The following SLTM variants were observed in gnomAD, a reference collection of about 807,000 sequenced individuals.
SLTM encodes SAFB like transcription modulator, also known as SAFB-like transcription modulator.
In SLTM, 43 loss-of-function variants were observed where a neutral mutation model predicts 134.6. That is an observed-to-expected ratio of 0.32 (90% confidence interval 0.25 to 0.41). The LOEUF (loss-of-function observed/expected upper bound fraction) is 0.41, where lower values mean the gene tolerates loss of function less well. SLTM is among the 10% of genes least tolerant of loss of function. SLTM has a pLI of 1.00. For missense variants in SLTM, 1,055 were observed against 1,288.8 expected, an observed-to-expected ratio of 0.82 and a Z score of 2.78; for synonymous variants, 424 against 432.3, an observed-to-expected ratio of 0.98 and a Z score of 0.24.
chr15:58,883,101 G>A (rs1177456932), intron 20 of SLTM, among the ~76,000 whole-genome samples: 1 of 152,174 alleles, frequency 6.6e-6, no homozygotes, highest in Admixed American at 6.5e-5. Flanking sequence ...GATCCCCTGA[G>A]GTCAGGAGTT....
At chr15:58,932,107 G>T (rs1245751659) in intron 2 of SLTM, 1 of 386,892 alleles carries the variant, frequency 2.6e-6, no homozygotes, top group African/African-American at 2.0e-5. Context: ...TACACAACTT[G>T]ACTTTGTAAT....
rs1413689238 is a variant in SLTM, at chr15:58,898,870, C to G, written c.1059-18G>C. On this transcript the variant is annotated intron_variant, in intron 7 of 20. Transcript: ENST00000380516. Reference sequence around the variant, plus strand: ...TTGAAGAGCTAAAGAGGCAAATCACCAGAAGAAAATTGAAAACAAAAACAA... The same window carrying G: ...TTGAAGAGCTAAAGAGGCAAATCACGAGAAGAAAATTGAAAACAAAAACAA... 1 of 1,598,748 alleles carries G rather than the reference C, an allele frequency of 6.3e-7. No homozygotes were observed. The highest frequency in any genetic ancestry group is 1.1e-5 in the South Asian group (1 of 88,254).
chr15:58,910,743 C>CT (rs543560542), intron 5 of SLTM, among the ~76,000 whole-genome samples: 5,065 of 116,188 alleles, frequency 0.044, 258 homozygotes, highest in South Asian at 0.11. Flanking sequence ...CTCATAGATT[C>CT]TTTTTTTTTT....
chr15:58,918,666 T>C (rs17236327), intron 2 of SLTM, among the ~76,000 whole-genome samples: 12,132 of 149,280 alleles, frequency 0.081, 712 homozygotes, highest in East Asian at 0.26. Flanking sequence ...GGGGAAAACA[T>C]AACTTTTTGG....
intron 20 of SLTM, among the ~76,000 whole-genome samples, chr15:58,881,982 G>T (rs1348125941): frequency 6.6e-6 from 1 of 151,594 alleles, no homozygotes; most frequent in Admixed American, 6.6e-5. Flanking sequence ...AGGCTGAGGT[G>T]GGCAGATCAC....
Position 58,879,779 on chromosome 15 carries a change from G to GC in SLTM, c.*219dup. On this transcript the variant is annotated 3_prime_UTR_variant, in exon 21 of 21. Transcript: ENST00000380516. ...ATCTTTTCAAATGTGCCTCGGTGCTGCAAGAAAAAAAGTTGAATGATACAC... is the reference window on the plus strand; with the variant it reads ...ATCTTTTCAAATGTGCCTCGGTGCTGCCAAGAAAAAAAGTTGAATGATACAC... The GC allele has an allele frequency of 2.0e-6, 1 of 491,902 alleles. No homozygotes were observed. Among genetic ancestry groups the GC allele is most frequent in the Non-Finnish European group, 3.4e-6 (1 of 292,596 alleles). The allele number at this position is 491,902 out of a possible 1,614,324, so 30.5% of individuals were successfully genotyped here. A position where few individuals can be genotyped will look rare whatever the true frequency, so the allele number is the denominator to read the frequency against.
intron 20 of SLTM, among the ~76,000 whole-genome samples, chr15:58,880,597 A>G (rs1486348637): frequency 1.3e-5 from 2 of 152,044 alleles, no homozygotes; most frequent in Non-Finnish European, 2.9e-5. Context: ...CACTCACTTC[A>G]CCGAGGCTGG....
rs182260126 is a variant in SLTM at position 58,892,112 on chromosome 15, G to A, written c.1898+785C>T. On this transcript the variant is annotated intron_variant, in intron 14 of 20. Transcript: ENST00000380516. Reference sequence around the variant, plus strand: ...AAAAGTATCTCTGGTAGTTCCTAACGCTGTCGTCAATGAATGGATGAAATC... The same window carrying A: ...AAAAGTATCTCTGGTAGTTCCTAACACTGTCGTCAATGAATGGATGAAATC... 9.7e-4 allele frequency among the ~76,000 whole-genome samples: 148 copies of A among 152,286 alleles called. 1 individual carries two copies. The highest frequency in any genetic ancestry group is 3.4e-3 in the Middle Eastern group (1 of 294).
intron 5 of SLTM, among the ~76,000 whole-genome samples, chr15:58,912,086 T>C (rs2036311606): frequency 6.6e-6 from 1 of 151,816 alleles, no homozygotes; most frequent in South Asian, 2.1e-4. Context: ...CAACAAAAAT[T>C]TCAGCTGCCA....
chr15:58,907,088 T>C (rs1168082007), intron 5 of SLTM, among the ~76,000 whole-genome samples: 3 of 152,110 alleles, frequency 2.0e-5, no homozygotes, highest in South Asian at 4.1e-4. Context: ...AGTAAGGTAA[T>C]GGATATAAAA....
intron 20 of SLTM, among the ~76,000 whole-genome samples, chr15:58,881,805 C>G (rs1318161840): frequency 6.6e-6 from 1 of 152,078 alleles, no homozygotes; most frequent in Non-Finnish European, 1.5e-5. Context: ...CCATGTTGCC[C>G]AGGCTGGTCT....
chr15:58,917,489 C>T (rs573305018), intron 2 of SLTM, among the ~76,000 whole-genome samples: 2 of 152,278 alleles, frequency 1.3e-5, no homozygotes, highest in African/African-American at 2.4e-5. Flanking sequence ...TTACATATTG[C>T]CTTGTACTCT....
rs750035930 is a variant in SLTM, at chr15:58,890,364, G to GCT, written c.1994_1995dup (p.Arg666SerfsTer3). On this transcript the variant is annotated frameshift_variant, in exon 15 of 21. Transcript: ENST00000380516. LOFTEE classifies it high-confidence loss of function. ...AGTTTTTGCCTTTCAATTTCTAGGC[G>GCT]CTCTCTCTCTCTCTGTAAGCGTTCC... 6.9e-6 allele frequency: 11 copies of GCT among 1,601,136 alleles called. No homozygotes were observed. The highest frequency in any genetic ancestry group is 1.3e-5 in the African/African-American group (1 of 74,446).
chr15:58,925,933 G>A (rs928252551), intron 2 of SLTM, among the ~76,000 whole-genome samples: 10 of 152,128 alleles, frequency 6.6e-5, no homozygotes, highest in East Asian at 1.9e-4. Flanking sequence ...GAAGTTTTCC[G>A]AAAACTGAAA....
chr15:58,929,216 C>A (rs553619420), intron 2 of SLTM, among the ~76,000 whole-genome samples: 1 of 152,002 alleles, frequency 6.6e-6, no homozygotes, highest in African/African-American at 2.4e-5. Context: ...TTTGGGAGGC[C>A]GAGGCGGGAG....
At chr15:58,903,170 G>C (rs1009337628) in intron 5 of SLTM, among the ~76,000 whole-genome samples, 8 of 152,144 alleles carry the variant, frequency 5.3e-5, no homozygotes, top group Non-Finnish European at 1.2e-4. Flanking sequence ...AAAGTGCTTG[G>C]ATTACAAGCT....
At chr15:58,895,891 G>A (rs1007491667) in intron 9 of SLTM, among the ~76,000 whole-genome samples, 2 of 152,260 alleles carry the variant, frequency 1.3e-5, no homozygotes, top group South Asian at 4.1e-4. Flanking sequence ...ACAGGTTTTG[G>A]TAATATTAAT....
rs779148657 is a variant in SLTM at position 58,893,828 on chromosome 15, C to T, written c.1641G>A (p.Lys547=). 6.2e-7 allele frequency: 1 copy of T among 1,608,164 alleles called. No homozygotes were observed. Among genetic ancestry groups the T allele is most frequent in the South Asian group, 1.1e-5 (1 of 89,100 alleles). The change falls in exon 12 of 21, where the codon AAG becomes AAA. Residue 547 remains lysine, a synonymous_variant. Transcript: ENST00000380516. ...AAAAGATGTATAGCATACTTATTCG[C>T]TTCTTTTCTTCACTTTTTTTAATCG... ...SESIKKSEEK[K]RISSKSPGHM...
Position 58,883,798 on chromosome 15 carries a change from G to C in SLTM, c.2836-12C>G. ...TCCTCAGGATAGTGCTAAAAGAATA[G>C]CATATGAAAAGTCACTTGGCCGGGC... On this transcript the variant is annotated splice_polypyrimidine_tract_variant and intron_variant, in intron 19 of 20. Coordinates refer to ENST00000380516, the MANE Select transcript of SLTM (RefSeq NM_024755.4). 1 of 1,612,302 alleles carries C rather than the reference G, an allele frequency of 6.2e-7. No homozygotes were observed. The highest frequency in any genetic ancestry group is 8.5e-7 in the Non-Finnish European group (1 of 1,178,612).
Sources: allele counts gnomAD v4.1 joint callset (sites outside exome capture counted in the v4.1 genomes callset), GRCh38; gene constraint gnomAD v4.1.1; transcripts MANE v1.5; gene names NCBI Gene and HGNC (gene_info 2026-07-23, HGNC 2026-07-21).